The following DAAM1 variants were observed in gnomAD, a reference collection of about 807,000 sequenced individuals.
DAAM1 encodes dishevelled associated activator of morphogenesis 1, also known as disheveled-associated activator of morphogenesis 1.
Under a neutral mutation model 130.0 loss-of-function variants are expected in DAAM1, and 52 were observed. That is an observed-to-expected ratio of 0.40 (90% CI 0.32 to 0.50). DAAM1 has a LOEUF of 0.50. Ranked by LOEUF, DAAM1 falls within the 20% of genes least tolerant of loss-of-function variation. The probability of loss-of-function intolerance (pLI) is 0.61; values close to 1 mark genes in which losing one functional copy is unlikely to be tolerated. For synonymous variants in DAAM1, 452 were observed against 444.5 expected, an observed-to-expected ratio of 1.02 and a Z score of -0.21; for missense variants, 1,134 against 1,303.8, an observed-to-expected ratio of 0.87 and a Z score of 2.01.
chr14:59,273,615 C>G (rs761104868), intron 2 of DAAM1, among the ~76,000 whole-genome samples: 5 of 152,162 alleles, frequency 3.3e-5, no homozygotes, highest in Admixed American at 1.3e-4. Flanking sequence ...AGTCCTTATA[C>G]TACCATATAC....
chr14:59,322,884 C>T lies in DAAM1; in HGVS notation c.441-8C>T. 1.3e-6 allele frequency: 2 copies of T among 1,599,910 alleles called. No individual in the cohort carries two copies. The highest frequency in any genetic ancestry group is 1.7e-4 in the Middle Eastern group (1 of 6,010). ...CACTTAAGCATGGTGCATTTCTCTT[C>T]ATGACAGGTTTGTAACCAGATTCAT... On this transcript the variant is annotated splice_polypyrimidine_tract_variant and splice_region_variant and intron_variant, in intron 5 of 24. Transcript: ENST00000360909.
At chr14:59,300,287 C>T (rs962699992) in intron 3 of DAAM1, among the ~76,000 whole-genome samples, 5 of 152,166 alleles carry the variant, frequency 3.3e-5, no homozygotes, top group African/African-American at 1.2e-4. Flanking sequence ...ACAAAATTTG[C>T]TCAAAGTTGC....
intron 4 of DAAM1, among the ~76,000 whole-genome samples, chr14:59,316,842 T>TA (rs934057387): frequency 1.3e-5 from 2 of 152,254 alleles, no homozygotes; most frequent in Non-Finnish European, 2.9e-5. Context: ...AGAAGTTGCT[T>TA]ATTTGTTAAT....
At chr14:59,267,564 A>T (rs1474162663) in intron 2 of DAAM1, among the ~76,000 whole-genome samples, 1 of 152,166 alleles carries the variant, frequency 6.6e-6, no homozygotes, top group Non-Finnish European at 1.5e-5. Context: ...TAAAGTGTGC[A>T]ATTCAGTGGC....
rs1488391051 is a variant in DAAM1, at chr14:59,370,113, G to GTGA, written c.*1256_*1258dup. ...CCAACTCTTAATATCCTTAAATTAT[G>GTGA]TGATATATAAAGAGGACTGTTACTT... On this transcript the variant is annotated 3_prime_UTR_variant, in exon 25 of 25. Coordinates refer to ENST00000360909, the MANE Select transcript of DAAM1 (RefSeq NM_001270520.2). The GTGA allele has an allele frequency of 7.1e-6, 1 of 141,644 alleles. No homozygotes were observed. Among genetic ancestry groups the GTGA allele is most frequent in the Non-Finnish European group, 1.5e-5 (1 of 65,448 alleles). 8.8% of individuals were successfully genotyped at this position (141,644 alleles called of 1,614,324 possible).
intron 1 of DAAM1, among the ~76,000 whole-genome samples, chr14:59,258,609 TG>T (rs1297786635): frequency 2.6e-5 from 4 of 152,200 alleles, no homozygotes; most frequent in Admixed American, 1.3e-4. Flanking sequence ...GAAGTTAAGG[TG>T]GGCAGGTTCT....
chr14:59,309,393 GC>G (rs1438390690), intron 3 of DAAM1, among the ~76,000 whole-genome samples: 2 of 152,294 alleles, frequency 1.3e-5, no homozygotes, highest in African/African-American at 4.8e-5. Context: ...CACTTTATGA[GC>G]TTATCTTAAT....
At chr14:59,190,794 G>A (rs1887708562) in intron 1 of DAAM1, among the ~76,000 whole-genome samples, 4 of 152,164 alleles carry the variant, frequency 2.6e-5, no homozygotes, top group Admixed American at 2.0e-4. Flanking sequence ...GATAGACTTG[G>A]TCATTGTCCT....
At chr14:59,296,836 A>C (rs1171238711) in intron 3 of DAAM1, among the ~76,000 whole-genome samples, 1 of 152,222 alleles carries the variant, frequency 6.6e-6, no homozygotes, top group Non-Finnish European at 1.5e-5. Flanking sequence ...AGTTTGGACG[A>C]TTGACCAAAT....
At chr14:59,345,335 G>A (rs749667027) in intron 16 of DAAM1, among the ~76,000 whole-genome samples, 6 of 152,182 alleles carry the variant, frequency 3.9e-5, no homozygotes, top group South Asian at 2.1e-4. Flanking sequence ...CTGCTGTAAC[G>A]GCGTAGGGGT....
At chr14:59,287,808 G>A (rs758728302) in intron 2 of DAAM1, among the ~76,000 whole-genome samples, 1 of 152,160 alleles carries the variant, frequency 6.6e-6, no homozygotes, top group Non-Finnish European at 1.5e-5. Context: ...CCTGCTCATG[G>A]ATAGGAAGAA....
intron 5 of DAAM1, 34 bp downstream of exon 5, chr14:59,320,618 T>C (rs775843707): frequency 1.1e-5 from 16 of 1,481,490 alleles, no homozygotes; most frequent in East Asian, 4.7e-5. Flanking sequence ...TTTTTTTTTT[T>C]TCTCTCCTTC....
At position 59,369,751 on chromosome 14, in the gene DAAM1, A is replaced by AC. The variant is rs1887079953; in HGVS notation, c.*893dup. On this transcript the variant is annotated 3_prime_UTR_variant, in exon 25 of 25. Coordinates refer to ENST00000360909, the MANE Select transcript of DAAM1 (RefSeq NM_001270520.2). ...AGAATTCTCTGAAGGGATAAAGATTACTAAAAAAAAAAAAAAAAAAAAAAA... is the reference window on the plus strand; with the variant it reads ...AGAATTCTCTGAAGGGATAAAGATTACCTAAAAAAAAAAAAAAAAAAAAAAA... 1 of 111,732 alleles carries AC rather than the reference A, an allele frequency of 8.9e-6. No homozygotes were observed. The highest frequency in any genetic ancestry group is 1.9e-5 in the Non-Finnish European group (1 of 53,478). The allele number at this position is 111,732 out of a possible 1,614,324, so 6.9% of individuals were successfully genotyped here. A position where few individuals can be genotyped will look rare whatever the true frequency, so the allele number is the denominator to read the frequency against.
chr14:59,197,446 C>G (rs1011017852), intron 1 of DAAM1, among the ~76,000 whole-genome samples: 34 of 152,246 alleles, frequency 2.2e-4, no homozygotes, highest in African/African-American at 7.7e-4. Context: ...ATGGCTGAGA[C>G]TGACCGCACC....
At chr14:59,262,232 C>G (rs1882196841) in intron 1 of DAAM1, among the ~76,000 whole-genome samples, 1 of 152,184 alleles carries the variant, frequency 6.6e-6, no homozygotes, top group Non-Finnish European at 1.5e-5. Context: ...GTCTATCCTT[C>G]TGGACCATTT....
chr14:59,204,232 T>A (rs1445693046), intron 1 of DAAM1, among the ~76,000 whole-genome samples: 1 of 152,260 alleles, frequency 6.6e-6, no homozygotes, highest in Non-Finnish European at 1.5e-5. Context: ...GCCAAAATGC[T>A]GTAGTCTTCA....
chr14:59,197,591 A>G (rs1224123727), intron 1 of DAAM1, among the ~76,000 whole-genome samples: 2 of 152,238 alleles, frequency 1.3e-5, no homozygotes, highest in Non-Finnish European at 2.9e-5. Flanking sequence ...ACTTCCAACT[A>G]TGGAAGTTCT....
At chr14:59,229,938 T>C (rs1889051223) in intron 1 of DAAM1, among the ~76,000 whole-genome samples, 1 of 152,192 alleles carries the variant, frequency 6.6e-6, no homozygotes, top group Admixed American at 6.5e-5. Flanking sequence ...CCCATCTTAA[T>C]AGTAGAATGT....
chr14:59,240,250 ATCTT>A lies in DAAM1; in HGVS notation c.-37-23185_-37-23182del, dbSNP rs1889435349. Among the ~76,000 whole-genome samples the A allele has an allele frequency of 2.6e-5, 4 of 152,060 alleles. No homozygotes were observed. In the South Asian group the frequency reaches 8.3e-4, roughly 32 times the overall value. On this transcript the variant is annotated intron_variant, in intron 1 of 24. Coordinates refer to ENST00000360909, the MANE Select transcript of DAAM1 (RefSeq NM_001270520.2). ...TTTTATTATTACTTCATCTCTCGAG[ATCTT>A]TCTTTATTGTAAAACTATGATATCT...
Sources: gnomAD v4.1 joint callset for allele counts (sites outside exome capture counted in the v4.1 genomes callset) on GRCh38, gnomAD v4.1.1 for gene constraint, MANE v1.5 for transcripts, NCBI Gene and HGNC (gene_info 2026-07-23, HGNC 2026-07-21) for gene names.